UGGT2: variants seen among roughly 807,000 people sequenced by gnomAD.
UGGT2 encodes the protein UDP-glucose:glycoprotein glucosyltransferase 2.
Under a neutral mutation model 192.1 loss-of-function variants are expected in UGGT2, and 180 were observed. The observed-to-expected ratio is 0.94, with a 90% CI of 0.83 to 1.06. The LOEUF (loss-of-function observed/expected upper bound fraction) is 1.06, where lower values mean the gene tolerates loss of function less well. Ranked by LOEUF, UGGT2 falls within the 50% of genes least tolerant of loss-of-function variation. UGGT2 has a pLI of 0.00. For synonymous variants in UGGT2, 580 were observed against 591.0 expected (o/e 0.98, Z 0.27); for missense variants, 1,849 against 1,795.7 (o/e 1.03, Z -0.54).
chr13:95,922,296 A>G (rs1400843838), intron 20 of UGGT2, among the ~76,000 whole-genome samples: 3 of 152,156 alleles, frequency 2.0e-5, no homozygotes, highest in Admixed American at 6.5e-5. Context: ...TGGGGACTAC[A>G]AAAGGGGATG....
intron 5 of UGGT2, among the ~76,000 whole-genome samples, chr13:96,001,248 G>A (rs1386087839): frequency 2.0e-5 from 3 of 152,150 alleles, no homozygotes; most frequent in Non-Finnish European, 2.9e-5. Context: ...CAAAAGAAGT[G>A]AAAATGGCCG....
chr13:95,900,847 T>C lies in UGGT2; in HGVS notation c.2594A>G (p.Lys865Arg), dbSNP rs35060832. 2,617 of 1,611,824 alleles carry C rather than the reference T, an allele frequency of 1.6e-3. 47 individuals are homozygous for C. The African/African-American group carries it at 0.031, about 19-fold the overall frequency. The change falls in exon 22 of 39, where the codon AAA (lysine) becomes AGA (arginine). Residue 865 changes from lysine to arginine, a missense_variant. Lys to Arg is a conservative substitution (Grantham distance 26). Transcript: ENST00000376747. ...AATACCCATTTCTCCAGGACGTAAT[T>C]TAAGTACATCTTGACAGAACAACTG... is the stretch of plus-strand genomic sequence containing the variant. ...THQLFCQDVL[K>R]LRPGEMGIVS...
At chr13:95,918,278 C>T (rs2048740848) in intron 20 of UGGT2, among the ~76,000 whole-genome samples, 1 of 152,184 alleles carries the variant, frequency 6.6e-6, no homozygotes, top group South Asian at 2.1e-4. Flanking sequence ...TCCTGAATGA[C>T]TCTTGAGTAA....
intron 21 of UGGT2, among the ~76,000 whole-genome samples, chr13:95,902,214 TTTAA>T (rs1002178833): frequency 6.6e-6 from 1 of 152,154 alleles, no homozygotes; most frequent in African/African-American, 2.4e-5. Flanking sequence ...CACTAATGTA[TTTAA>T]TTTATTTTCT....
At chr13:96,033,394 G>A (rs766427458) in intron 1 of UGGT2, among the ~76,000 whole-genome samples, 9 of 152,076 alleles carry the variant, frequency 5.9e-5, no homozygotes, top group Non-Finnish European at 1.0e-4. Flanking sequence ...AGTTGGTAGG[G>A]TGGAGGGCCC....
At chr13:95,915,073 C>T (rs1205740969) in intron 20 of UGGT2, among the ~76,000 whole-genome samples, 1 of 152,146 alleles carries the variant, frequency 6.6e-6, no homozygotes, top group Non-Finnish European at 1.5e-5. Flanking sequence ...CTTCTCCTTG[C>T]TGTGTTCTAG....
chr13:95,882,415 A>G lies in UGGT2; in HGVS notation c.3228+2076T>C, dbSNP rs770358585. 6.0e-4 allele frequency among the ~76,000 whole-genome samples: 91 copies of G among 152,142 alleles called. 1 individual carries two copies. Among genetic ancestry groups the G allele is most frequent in the Non-Finnish European group, 2.2e-4 (15 of 68,014 alleles). On this transcript the variant is annotated intron_variant, in intron 27 of 38. Coordinates refer to ENST00000376747, the MANE Select transcript of UGGT2 (RefSeq NM_020121.4). ...GTTAGTATATGGTGGTAAATCTCTC[A>G]TTGTTATCTCATTTTTGCCAGAGTG...
intron 38 of UGGT2, among the ~76,000 whole-genome samples, chr13:95,820,234 A>C (rs1439534952): frequency 6.6e-6 from 1 of 152,194 alleles, no homozygotes; most frequent in African/African-American, 2.4e-5. Flanking sequence ...AATATATCCA[A>C]TATAAATCTT....
intron 13 of UGGT2, among the ~76,000 whole-genome samples, 156 bp downstream of exon 13, chr13:95,949,179 T>A (rs994878926): frequency 1.3e-5 from 2 of 152,304 alleles, no homozygotes; most frequent in Admixed American, 1.3e-4. Context: ...GGCTAGTTGT[T>A]GATACCCAGT....
rs370799603 is a variant in UGGT2, at chr13:95,937,114, G to A, written c.1813-26C>T. ...CTATTCAGTTAAAAAATATCAGAGTGTTAAACAAAATATGATTGTTTGAAT... is the reference window on the plus strand; with the variant it reads ...CTATTCAGTTAAAAAATATCAGAGTATTAAACAAAATATGATTGTTTGAAT... On this transcript the variant is annotated intron_variant, in intron 16 of 38. Coordinates refer to ENST00000376747, the MANE Select transcript of UGGT2 (RefSeq NM_020121.4). The A allele has an allele frequency of 3.1e-5, 48 of 1,564,352 alleles. No homozygotes were observed. In the African/African-American group the frequency reaches 4.9e-4, roughly 16 times the overall value.
At chr13:95,880,674 C>G (rs2047467091) in intron 27 of UGGT2, among the ~76,000 whole-genome samples, 1 of 152,140 alleles carries the variant, frequency 6.6e-6, no homozygotes, top group Non-Finnish European at 1.5e-5. Context: ...AAACTGTGCA[C>G]TGTTCTGAGT....
intron 7 of UGGT2, among the ~76,000 whole-genome samples, chr13:95,994,770 G>C (rs2051565818): frequency 6.6e-6 from 1 of 151,996 alleles, no homozygotes; most frequent in Non-Finnish European, 1.5e-5. Flanking sequence ...GCACCATATA[G>C]TGCAAATGAA....
chr13:95,989,937 C>T, intron 8 of UGGT2, 36 bp downstream of exon 8: 1 of 1,426,146 alleles, frequency 7.0e-7, no homozygotes, highest in East Asian at 2.4e-5. Flanking sequence ...GATCAGTTAC[C>T]AAAATGCTGT....
At chr13:95,917,771 T>C (rs2048725455) in intron 20 of UGGT2, among the ~76,000 whole-genome samples, 1 of 152,048 alleles carries the variant, frequency 6.6e-6, no homozygotes, top group Non-Finnish European at 1.5e-5. Context: ...TCCTAGTTTC[T>C]GACTTTAAAC....
At chr13:95,802,135 T>C (rs1258748789) in intron 38 of UGGT2, among the ~76,000 whole-genome samples, 1 of 152,220 alleles carries the variant, frequency 6.6e-6, no homozygotes, top group African/African-American at 2.4e-5. Flanking sequence ...TCTTGAAGAA[T>C]ACTAACAGAT....
chr13:95,963,304 A>G (rs2050461815), intron 12 of UGGT2, among the ~76,000 whole-genome samples: 1 of 152,176 alleles, frequency 6.6e-6, no homozygotes, highest in South Asian at 2.1e-4. Flanking sequence ...AAAAAACCAT[A>G]TCCTCTTAAT....
intron 36 of UGGT2, among the ~76,000 whole-genome samples, chr13:95,842,625 A>G (rs1887985079): frequency 6.6e-6 from 1 of 152,124 alleles, no homozygotes; most frequent in African/African-American, 2.4e-5. Context: ...AACTAATGGG[A>G]TGTCAATTCT....
At chr13:96,026,662 T>C (rs2052675493) in intron 2 of UGGT2, among the ~76,000 whole-genome samples, 2 of 139,610 alleles carry the variant, frequency 1.4e-5, no homozygotes, top group East Asian at 4.1e-4. Context: ...CACTCTTCTT[T>C]TTTTTTTTTT....
Position 95,949,346 on chromosome 13 carries a change from A to G in UGGT2, c.1444T>C (p.Phe482Leu). The change falls in exon 13 of 39, where the codon TTT (phenylalanine) becomes CTT (leucine). Residue 482 changes from phenylalanine (F) to leucine (L), a missense_variant. Coordinates refer to ENST00000376747, the MANE Select transcript of UGGT2 (RefSeq NM_020121.4). ...PGSVPSIRRN[F>L]HNLVLFIDPA... ...AATATAAAACTCACCAAATTATGAAAATTGCGCCTTATGGAAGGTACACTT... is the reference window on the plus strand; with the variant it reads ...AATATAAAACTCACCAAATTATGAAGATTGCGCCTTATGGAAGGTACACTT... The G allele has an allele frequency of 1.9e-6, 3 of 1,553,084 alleles. No homozygotes were observed. Among genetic ancestry groups the G allele is most frequent in the South Asian group, 1.3e-5 (1 of 79,134 alleles).
Sources: gnomAD v4.1 joint callset for allele counts (sites outside exome capture counted in the v4.1 genomes callset) on GRCh38, gnomAD v4.1.1 for gene constraint, MANE v1.5 for transcripts, NCBI Gene and HGNC (gene_info 2026-07-23, HGNC 2026-07-21) for gene names.